The following SNRNP70 variants were observed in gnomAD, a reference collection of about 807,000 sequenced individuals.
SNRNP70 encodes the protein U1 small nuclear ribonucleoprotein 70 kDa.
Under a neutral mutation model 50.5 loss-of-function variants are expected in SNRNP70, and 8 were observed. That is an observed-to-expected ratio of 0.16 (90% CI 0.09 to 0.29). SNRNP70 has a LOEUF of 0.29. SNRNP70 is among the 10% of genes least tolerant of loss of function. The probability of loss-of-function intolerance (pLI) is 1.00; values close to 1 mark genes in which losing one functional copy is unlikely to be tolerated. For missense variants in SNRNP70, 529 were observed against 663.5 expected, an observed-to-expected ratio of 0.80 and a Z score of 2.23; for synonymous variants, 320 against 252.9, an observed-to-expected ratio of 1.27 and a Z score of -2.52.
chr19:49,093,279 T>G (rs1035651561), intron 4 of SNRNP70, among the ~76,000 whole-genome samples: 59 of 150,136 alleles, frequency 3.9e-4, no homozygotes, highest in Non-Finnish European at 7.4e-4. Flanking sequence ...AGAGACAGGG[T>G]TTCTCCATGT....
chr19:49,085,661 C>G (rs1420486850), intron 1 of SNRNP70, 25 bp downstream of exon 1: 2 of 455,644 alleles, frequency 4.4e-6, no homozygotes, highest in African/African-American at 2.0e-5. Flanking sequence ...CTGAGTGGCC[C>G]GACGGGGTGC....
chr19:49,088,176 C>T (rs564413582), intron 2 of SNRNP70, among the ~76,000 whole-genome samples: 7 of 150,948 alleles, frequency 4.6e-5, no homozygotes, highest in African/African-American at 7.3e-5. Flanking sequence ...CAGGTGTGAG[C>T]CACCATGCCT....
Position 49,085,458 on chromosome 19 carries a change from A to T in SNRNP70, c.-189A>T, listed in dbSNP as rs962345844. The T allele has an allele frequency of 7.0e-6, 3 of 429,856 alleles. No individual in the cohort carries two copies. In the East Asian group the frequency reaches 2.2e-4, roughly 31 times the overall value. The allele number at this position is 429,856 out of a possible 1,614,324, so 26.6% of individuals were successfully genotyped here. On this transcript the variant is annotated 5_prime_UTR_variant, in exon 1 of 10. Coordinates refer to ENST00000598441, the MANE Select transcript of SNRNP70 (RefSeq NM_003089.6). ...GGACCCACCCCCTGCTCCAGTCGCT[A>T]TCGGAGGCCGCGCGGGTGGCTGAGC...
At chr19:49,101,366 C>T (rs1315271713) in intron 6 of SNRNP70, 24 bp from the exon 7 acceptor site, 1 of 1,599,456 alleles carries the variant, frequency 6.3e-7, no homozygotes, top group Non-Finnish European at 8.6e-7. Context: ...GCAGGACTCA[C>T]CCCTGTCCCC....
intron 2 of SNRNP70, among the ~76,000 whole-genome samples, chr19:49,086,871 C>CA (rs199903067): frequency 0.041 from 5,017 of 123,272 alleles, 108 homozygotes; most frequent in South Asian, 0.097. Context: ...CTTCGTCTCT[C>CA]AAAAAAAAAA....
chr19:49,093,747 A>G (rs1028680628), intron 4 of SNRNP70, among the ~76,000 whole-genome samples: 1 of 147,870 alleles, frequency 6.8e-6, no homozygotes, highest in Non-Finnish European at 1.5e-5. Context: ...GTTGTCCAGC[A>G]CTTTGGGAGG....
intron 7 of SNRNP70, chr19:49,103,744 A>C (rs1377705490): frequency 6.6e-6 from 1 of 152,544 alleles, no homozygotes; most frequent in Non-Finnish European, 1.5e-5. Context: ...CACGTTGATC[A>C]CAGGCCAGGG....
intron 2 of SNRNP70, among the ~76,000 whole-genome samples, chr19:49,089,317 G>A (rs1000588875): frequency 2.6e-5 from 4 of 152,034 alleles, no homozygotes; most frequent in Non-Finnish European, 5.9e-5. Context: ...CAGGAGAACC[G>A]CTTGAACGAT....
chr19:49,101,077 G>GCCTCCTGC (rs1169131584), intron 6 of SNRNP70, among the ~76,000 whole-genome samples: 15 of 152,248 alleles, frequency 9.9e-5, no homozygotes, highest in Admixed American at 6.5e-4. Context: ...CGCATCCCCA[G>GCCTCCTGC]CCTCCTGCCC....
Position 49,090,272 on chromosome 19 carries a change from CCT to C in SNRNP70, c.148-14_148-13del. The C allele has an allele frequency of 6.2e-7, 1 of 1,612,306 alleles. No homozygotes were observed. The stretch of plus-strand genomic sequence containing the variant: ...TCCCCCAGTCCTTCCCACCCTGTCA[CCT>C]CTCTTCTTGTTCCCAGGACCCTCGA... On this transcript the variant is annotated splice_polypyrimidine_tract_variant and intron_variant, in intron 2 of 9. Transcript: ENST00000598441.
At position 49,104,323 on chromosome 19, in the gene SNRNP70, GCGGGAGGGGGCTGTT is replaced by G; in HGVS notation, c.476-309_476-295del. 1 of 319,614 alleles carries G rather than the reference GCGGGAGGGGGCTGTT, an allele frequency of 3.1e-6. No individual in the cohort carries two copies. The highest frequency in any genetic ancestry group is 4.7e-5 in the South Asian group (1 of 21,354). The allele number at this position is 319,614 out of a possible 1,614,324, so 19.8% of individuals were successfully genotyped here. A position where few individuals can be genotyped will look rare whatever the true frequency, so the allele number is the denominator to read the frequency against. On this transcript the variant is annotated intron_variant, in intron 7 of 9. Transcript: ENST00000598441. The surrounding 1 kb of genome is among the most constrained non-coding windows in gnomAD (Gnocchi z 5.4). Reference sequence around the variant, plus strand: ...CTTTGCAGCGATTTTGGCCGCCCTGGCGGGAGGGGGCTGTTCCATCATGTGGGAGAGGAAGGGCCG... The same window carrying G: ...CTTTGCAGCGATTTTGGCCGCCCTGGCCATCATGTGGGAGAGGAAGGGCCG...
chr19:49,096,573 C>T (rs1306516973), intron 4 of SNRNP70, among the ~76,000 whole-genome samples: 1 of 151,360 alleles, frequency 6.6e-6, no homozygotes, highest in Non-Finnish European at 1.5e-5. Flanking sequence ...CGAAACCAGC[C>T]TGGCCAACAT....
At chr19:49,086,640 A>T (rs143820545) in intron 2 of SNRNP70, 79 bp downstream of exon 2, 1 of 1,362,574 alleles carries the variant, frequency 7.3e-7, no homozygotes, top group African/African-American at 1.4e-5. Flanking sequence ...GCTTCTGGCC[A>T]TTTTGCCAGC....
chr19:49,090,573 C>A, intron 4 of SNRNP70, 53 bp downstream of exon 4: 1 of 1,548,420 alleles, frequency 6.5e-7, no homozygotes, highest in Non-Finnish European at 8.9e-7. Flanking sequence ...CCTCTGTATT[C>A]TTCCCAGGTC....
At position 49,098,644 on chromosome 19, in the gene SNRNP70, T is replaced by C. The variant is rs1239030042; in HGVS notation, c.333T>C (p.Asn111=). ...AFKTLFVARV[N]YDTTESKLRR... ...ACGTCATATCCATCTCCTTGTAGAA[T>C]TATGACACAACAGAATCCAAGCTCC... The change falls in exon 6 of 10, where the codon AAT becomes AAC. Residue 111 remains asparagine, a splice_region_variant and synonymous_variant. Transcript: ENST00000598441. 1 of 1,613,846 alleles carries C rather than the reference T, an allele frequency of 6.2e-7. No individual in the cohort carries two copies.
intron 2 of SNRNP70, 115 bp from the exon 3 acceptor site, chr19:49,090,176 G>A (rs2040430686): frequency 1.2e-6 from 1 of 825,120 alleles, no homozygotes; most frequent in Non-Finnish European, 2.0e-6. Flanking sequence ...GTGCGTGGAT[G>A]TTTATTTTTG....
intron 7 of SNRNP70, chr19:49,102,182 A>G (rs1243650920): frequency 7.8e-7 from 1 of 1,289,358 alleles, no homozygotes; most frequent in Non-Finnish European, 1.0e-6. Flanking sequence ...TGGTTGGTAT[A>G]AGGGTTTGTA....
intron 4 of SNRNP70, among the ~76,000 whole-genome samples, chr19:49,093,238 C>A (rs987612067): frequency 6.6e-6 from 1 of 151,928 alleles, no homozygotes; most frequent in Non-Finnish European, 1.5e-5. Context: ...TACAGGCATG[C>A]ACCACCATGC....
chr19:49,095,975 C>CAA (rs11356728), intron 4 of SNRNP70, among the ~76,000 whole-genome samples: 6 of 91,910 alleles, frequency 6.5e-5, no homozygotes, highest in Non-Finnish European at 1.1e-4. Context: ...TTAGCTGGTG[C>CAA]AAAAAAAAAA....
Sources: allele counts gnomAD v4.1 joint callset (sites outside exome capture counted in the v4.1 genomes callset), GRCh38; gene constraint gnomAD v4.1.1; non-coding constraint Gnocchi (gnomAD v3.1); transcripts MANE v1.5; gene names NCBI Gene and HGNC (gene_info 2026-07-23, HGNC 2026-07-21).